CSMD2: variants seen among roughly 807,000 people sequenced by gnomAD.
The protein encoded by CSMD2 is CUB and sushi domain-containing protein 2.
A neutral mutation model predicts 398.5 loss-of-function variants in CSMD2; 130 were observed. The ratio of observed to expected loss-of-function variants is 0.33; its 90% CI spans 0.28 to 0.38. The LOEUF is 0.38. CSMD2 is among the 10% of genes least tolerant of loss of function. CSMD2 has a pLI of 1.00. For missense variants in CSMD2, 3,829 were observed against 4,764.9 expected (o/e 0.80, Z 5.78); for synonymous variants, 1,828 against 1,908.5 (o/e 0.96, Z 1.10).
At chr1:34,098,010 A>G (rs1287521930) in intron 1 of CSMD2, among the ~76,000 whole-genome samples, 1 of 107,798 alleles carries the variant, frequency 9.3e-6, no homozygotes, top group Non-Finnish European at 1.8e-5. Context: ...CTTGGAACCA[A>G]CCCAAATGTC....
chr1:33,652,423 T>C lies in CSMD2; in HGVS notation c.4486A>G (p.Ile1496Val), dbSNP rs761636995. 15 of 1,614,166 alleles carry C rather than the reference T, an allele frequency of 9.3e-6. No homozygotes were observed. The Admixed American group carries it at 2.5e-4, about 27-fold the overall frequency. The change falls in exon 28 of 71, where the codon ATC (isoleucine) becomes GTC (valine). Residue 1496 changes from isoleucine to valine, a missense_variant. By Grantham distance (29) the Ile-to-Val change is conservative (BLOSUM62 3). Transcript: ENST00000373381. ...GGDLTGPSGV[I>V]LSPNYPEPYP... ...GGTTCTGGGTAATTTGGTGAGAGGA[T>C]GACTCCAGATGGTCCTGTCAGGTCT...
At chr1:33,985,867 T>A (rs1646342369) in intron 3 of CSMD2, among the ~76,000 whole-genome samples, 1 of 152,130 alleles carries the variant, frequency 6.6e-6, no homozygotes, top group African/African-American at 2.4e-5. Flanking sequence ...GAGGAATGCA[T>A]GGGGCCTCAG....
Position 34,032,482 on chromosome 1 carries a change from C to G in CSMD2, c.517+112G>C, listed in dbSNP as rs886216393. The stretch of plus-strand genomic sequence containing the variant: ...GTAACCAGCCTTGTCAGGACAGGCG[C>G]AAGCTCTGGGTCTGAAGAACACTTC... On this transcript the variant is annotated intron_variant, in intron 3 of 70. Coordinates refer to ENST00000373381, the MANE Select transcript of CSMD2 (RefSeq NM_001281956.2). The G allele has an allele frequency of 9.2e-6, 6 of 650,006 alleles. No homozygotes were observed. In the African/African-American group the frequency reaches 1.1e-4, roughly 12 times the overall value. 40.3% of individuals were successfully genotyped at this position (650,006 alleles called of 1,614,324 possible). A position where few individuals can be genotyped will look rare whatever the true frequency, so the allele number is the denominator to read the frequency against.
chr1:34,081,527 TCCTGCCTCGGCCTGC>T (rs888679723), intron 2 of CSMD2, among the ~76,000 whole-genome samples: 1 of 152,042 alleles, frequency 6.6e-6, no homozygotes, highest in African/African-American at 2.4e-5. Context: ...TGCCTGATTC[TCCTGCCTCGGCCTGC>T]CGAGTGCCTG....
Position 33,546,188 on chromosome 1 carries a change from C to T in CSMD2, c.8949G>A (p.Gly2983=). The T allele has an allele frequency of 6.2e-7, 1 of 1,614,036 alleles. No homozygotes were observed. The highest frequency in any genetic ancestry group is 8.5e-7 in the Non-Finnish European group (1 of 1,179,924). Residue 2983 remains glycine, a synonymous_variant, in exon 57 of 71, where the codon GGG becomes GGA. Transcript: ENST00000373381. ...CCAAACGGATGCCATGAGCCGGGAT[C>T]CCAGGGTCACCGCAAACTCCCACGC... is the stretch of plus-strand genomic sequence containing the variant. The part of the protein sequence containing the change: ...GTSVGVCGDP[G]IPAHGIRLGD...
In CSMD2 at chr1:33,971,293, C is replaced by T. The variant is rs539583039; in HGVS notation, c.518-35339G>A. Among the ~76,000 whole-genome samples, 13 of 152,292 alleles carry T rather than the reference C, an allele frequency of 8.5e-5. No homozygotes were observed. In the East Asian group the frequency reaches 1.2e-3, roughly 14 times the overall value. ...CTGTGACCTCTAGACTCCCTGAGGCCGGCAAAAGTGTCTCATGTGCATGGG... is the reference window on the plus strand; with the variant it reads ...CTGTGACCTCTAGACTCCCTGAGGCTGGCAAAAGTGTCTCATGTGCATGGG... On this transcript the variant is annotated intron_variant, in intron 3 of 70. Transcript: ENST00000373381.
intron 6 of CSMD2, among the ~76,000 whole-genome samples, chr1:33,826,635 G>A (rs1450841278): frequency 6.6e-6 from 1 of 152,186 alleles, no homozygotes; most frequent in Non-Finnish European, 1.5e-5. Context: ...ACTAAGTCCA[G>A]CCTAGTCCTC....
At chr1:34,030,150 A>C (rs1650223562) in intron 3 of CSMD2, among the ~76,000 whole-genome samples, 1 of 152,240 alleles carries the variant, frequency 6.6e-6, no homozygotes, top group Non-Finnish European at 1.5e-5. Flanking sequence ...TGGTTGCTGA[A>C]CATTTGACAC....
intron 70 of CSMD2, among the ~76,000 whole-genome samples, chr1:33,517,676 T>A (rs1164522787): frequency 6.6e-6 from 1 of 152,172 alleles, no homozygotes; most frequent in East Asian, 1.9e-4. Flanking sequence ...GGGGAACCCT[T>A]ATTTAAATGT....
intron 9 of CSMD2, 53 bp from the exon 10 acceptor site, chr1:33,810,917 CT>C (rs1213868891): frequency 1.3e-6 from 2 of 1,592,448 alleles, no homozygotes; most frequent in Non-Finnish European, 1.7e-6. Context: ...TCCAGTTCCC[CT>C]TCTTGCCTCC....
intron 1 of CSMD2, among the ~76,000 whole-genome samples, chr1:34,120,056 T>G (rs772529674): frequency 6.8e-4 from 103 of 152,218 alleles, no homozygotes; most frequent in Non-Finnish European, 1.2e-3. Flanking sequence ...AAAGAGTATG[T>G]GGTACATACA....
At chr1:34,055,176 C>T (rs1027388373) in intron 2 of CSMD2, among the ~76,000 whole-genome samples, 1 of 152,142 alleles carries the variant, frequency 6.6e-6, no homozygotes, top group Non-Finnish European at 1.5e-5. Context: ...AAGCAAATAG[C>T]CAGTCTACTC....
chr1:34,165,593 C>G (rs1641816646), upstream of CSMD2, among the ~76,000 whole-genome samples: 2 of 149,518 alleles, frequency 1.3e-5, no homozygotes, highest in Non-Finnish European at 3.0e-5. Flanking sequence ...CACACACACA[C>G]ACACAAACAC....
At chr1:34,032,527 C>A (rs1034685211) in intron 3 of CSMD2, 67 bp downstream of exon 3, 13 of 1,023,992 alleles carry the variant, frequency 1.3e-5, no homozygotes, top group Non-Finnish European at 1.9e-5. Context: ...GTGAGCAATG[C>A]AGTCCTGCTT....
In CSMD2 at chr1:33,935,839, C is replaced by A; in HGVS notation, c.633G>T (p.Leu211=). 8 of 1,614,190 alleles carry A rather than the reference C, an allele frequency of 5.0e-6. No homozygotes were observed. Among genetic ancestry groups the A allele is most frequent in the Non-Finnish European group, 6.8e-6 (8 of 1,180,008 alleles). The change falls in exon 4 of 71, where the codon CTG becomes CTT. Residue 211 remains leucine, a synonymous_variant. Coordinates refer to ENST00000373381, the MANE Select transcript of CSMD2 (RefSeq NM_001281956.2). ...GGCAGGTGAGCACGGCGTGGCCCTC[C>A]AGGAAGAAGCCAAGGTTGCAGCTGT... ...VRYSCNLGFF[L]EGHAVLTCHA... is the part of the protein sequence containing the mutation.
At chr1:33,709,321 A>C in intron 21 of CSMD2, 63 bp from the exon 22 acceptor site, 137 of 1,431,274 alleles carry the variant, frequency 9.6e-5, no homozygotes, top group Non-Finnish European at 1.2e-4. Context: ...AAAGCAACTC[A>C]CAGCTCTGAA....
chr1:33,524,163 T>C (rs1030377702), intron 66 of CSMD2, among the ~76,000 whole-genome samples: 3 of 152,234 alleles, frequency 2.0e-5, no homozygotes, highest in African/African-American at 7.2e-5. Context: ...AATGAATGCA[T>C]TTCCCTCAAC....
chr1:33,524,759 C>T, intron 66 of CSMD2, 123 bp downstream of exon 66: 1 of 944,066 alleles, frequency 1.1e-6, no homozygotes, highest in Non-Finnish European at 1.6e-6. Flanking sequence ...ACTTCCTCTT[C>T]CCTGACCACC....
At chr1:33,849,665 A>C (rs1638556477) in intron 5 of CSMD2, among the ~76,000 whole-genome samples, 1 of 151,450 alleles carries the variant, frequency 6.6e-6, no homozygotes, top group African/African-American at 2.4e-5. Context: ...ACAGTGGCTC[A>C]CGCCTGTATT....
Sources: gnomAD v4.1 joint callset for allele counts (sites outside exome capture counted in the v4.1 genomes callset) on GRCh38, gnomAD v4.1.1 for gene constraint, MANE v1.5 for transcripts, NCBI Gene and HGNC (gene_info 2026-07-23, HGNC 2026-07-21) for gene names.